Variants in FRA10AC1 observed in about 807,000 individuals in gnomAD.
The protein encoded by FRA10AC1 is protein FRA10AC1.
FRA10AC1 carries 43 observed loss-of-function variants against 56.5 expected under a neutral mutation model. The ratio of observed to expected loss-of-function variants is 0.76; its 90% confidence interval spans 0.60 to 0.98. The LOEUF (loss-of-function observed/expected upper bound fraction) is 0.98. Among genes scored for constraint, FRA10AC1 ranks in the 50% least tolerant of loss-of-function variants. The pLI, the probability that FRA10AC1 is intolerant of heterozygous loss-of-function variation, is 0.00. For synonymous variants in FRA10AC1, 112 were observed against 110.5 expected (o/e 1.01, Z -0.09); for missense variants, 346 against 351.8 (o/e 0.98, Z 0.13).
At position 93,668,117 on chromosome 10, in the gene FRA10AC1, T is replaced by C. The variant is rs1159178926; in HGVS notation, c.*1709A>G. The C allele has an allele frequency of 1.3e-5, 2 of 152,204 alleles. No individual in the cohort carries two copies. The highest frequency in any genetic ancestry group is 6.5e-5 in the Admixed American group (1 of 15,272). 9.4% of individuals were successfully genotyped at this position (152,204 alleles called of 1,614,324 possible). On this transcript the variant is annotated 3_prime_UTR_variant, in exon 14 of 14. Transcript: ENST00000359204. ...TGTTTAATAAAAGGAAAATCTCTGA[T>C]AATAACCATTTTAAAATGATACCAA...
chr10:93,673,211 T>C (rs1572773), intron 12 of FRA10AC1: 273,941 of 397,662 alleles, frequency 0.69, 95,716 homozygotes, highest in Middle Eastern at 0.73. Context: ...AAAAATCTGT[T>C]TTTGGGCAGT....
rs1321578874 is a variant in FRA10AC1 at position 93,693,480 on chromosome 10, G to GTA, written c.297-752_297-751insTA. 1.4e-3 allele frequency among the ~76,000 whole-genome samples: 28 copies of GTA among 19,760 alleles called. 2 individuals are homozygous for GTA. The highest frequency in any genetic ancestry group is 2.4e-3 in the African/African-American group (27 of 11,378). The allele number at this position is 19,760 out of a possible 152,430, so 13.0% of individuals were successfully genotyped here. On this transcript the variant is annotated intron_variant, in intron 5 of 13. Coordinates refer to ENST00000359204, the MANE Select transcript of FRA10AC1 (RefSeq NM_145246.5). ...AGTGGATAAAGAAAATGTGGTGTGTGTGTATATATATATATATATATATAT... is the reference window on the plus strand; with the variant it reads ...AGTGGATAAAGAAAATGTGGTGTGTGTATGTATATATATATATATATATATAT...
At chr10:93,693,526 TACACC>T (rs1190831630) in intron 5 of FRA10AC1, among the ~76,000 whole-genome samples, 294 of 13,396 alleles carry the variant, frequency 0.022, 16 homozygotes, top group African/African-American at 0.044. Context: ...TATATATATA[TACACC>T]ATATATATAT....
At position 93,669,109 on chromosome 10, in the gene FRA10AC1, A is replaced by G. The variant is rs1226783337; in HGVS notation, c.*717T>C. The stretch of plus-strand genomic sequence containing the variant: ...AAATTTGATTATAACAAACTCTCTT[A>G]AGTGGTAGAGGTTAAGAAGGAAGCA... On this transcript the variant is annotated 3_prime_UTR_variant, in exon 14 of 14. Coordinates refer to ENST00000359204, the MANE Select transcript of FRA10AC1 (RefSeq NM_145246.5). The G allele has an allele frequency of 6.6e-6, 1 of 152,096 alleles. No homozygotes were observed. The highest frequency in any genetic ancestry group is 1.5e-5 in the Non-Finnish European group (1 of 68,018). 9.4% of individuals were successfully genotyped at this position (152,096 alleles called of 1,614,324 possible).
chr10:93,677,355 T>C (rs752104922), intron 11 of FRA10AC1, among the ~76,000 whole-genome samples: 1 of 152,190 alleles, frequency 6.6e-6, no homozygotes, highest in Non-Finnish European at 1.5e-5. Flanking sequence ...ATTCCTCCAA[T>C]GTTCCTGGAT....
chr10:93,692,637 G>T lies in FRA10AC1; in HGVS notation c.380+9C>A, dbSNP rs748036832. On this transcript the variant is annotated intron_variant, in intron 6 of 13. Coordinates refer to ENST00000359204, the MANE Select transcript of FRA10AC1 (RefSeq NM_145246.5). Reference sequence around the variant, plus strand: ...CATTTGATGCATTACGCCTCTGATGGCTAATTACCAAGTCATGTCCATTTC... The same window carrying T: ...CATTTGATGCATTACGCCTCTGATGTCTAATTACCAAGTCATGTCCATTTC... 1.3e-6 allele frequency: 2 copies of T among 1,557,352 alleles called. No homozygotes were observed. The highest frequency in any genetic ancestry group is 1.8e-6 in the Non-Finnish European group (2 of 1,139,894).
intron 9 of FRA10AC1, among the ~76,000 whole-genome samples, chr10:93,684,927 T>C (rs981757667): frequency 2.0e-5 from 3 of 152,156 alleles, no homozygotes; most frequent in Non-Finnish European, 4.4e-5. Flanking sequence ...TAATGTGAGA[T>C]TACACTGCCT....
Position 93,685,243 on chromosome 10 carries a change from T to A in FRA10AC1, c.625+3A>T. 7.4e-7 allele frequency: 1 copy of A among 1,345,156 alleles called. No homozygotes were observed. Among genetic ancestry groups the A allele is most frequent in the Admixed American group, 1.7e-5 (1 of 57,268 alleles). The allele number at this position is 1,345,156 out of a possible 1,614,324, so 83.3% of individuals were successfully genotyped here. On this transcript the variant is annotated splice_donor_region_variant and intron_variant, in intron 9 of 13. Transcript: ENST00000359204. The stretch of plus-strand genomic sequence containing the variant: ...AATCATATACCCCCTAAAATCAACT[T>A]ACTTAATTTAACAAGTGCATTTCTC...
chr10:93,672,002 A>G (rs2058770396), intron 12 of FRA10AC1: 1 of 429,792 alleles, frequency 2.3e-6, no homozygotes, highest in African/African-American at 2.1e-5. Context: ...AAAAATTTAA[A>G]AATACTGCAA....
Position 93,685,330 on chromosome 10 carries a change from C to T in FRA10AC1, c.541G>A (p.Asp181Asn), listed in dbSNP as rs374981748. ...CAACTCTTTAAGCCTTCTTTTTTAT[C>T]ACAATATTTATTTCCACAGAAAAAT... The part of the protein sequence containing the change: ...GQFFCGNKYC[D>N]KKEGLKSWEV... Residue 181 changes from aspartate to asparagine, a missense_variant, in exon 9 of 14, where the codon GAT becomes AAT. Transcript: ENST00000359204. The T allele has an allele frequency of 1.9e-6, 3 of 1,557,072 alleles. No individual in the cohort carries two copies. In the African/African-American group the frequency reaches 4.1e-5, roughly 21 times the overall value.
At chr10:93,683,824 CAT>C (rs1441351976) in intron 10 of FRA10AC1, among the ~76,000 whole-genome samples, 1 of 152,152 alleles carries the variant, frequency 6.6e-6, no homozygotes, top group Non-Finnish European at 1.5e-5. Flanking sequence ...AAAATTCTAA[CAT>C]CCATCTACCA....
rs1320310422 is a variant in FRA10AC1, at chr10:93,702,519, A to ACCGCCGCCG, written c.-146_-145insCGGCGGCGG. 5 of 159,642 alleles carry ACCGCCGCCG rather than the reference A, an allele frequency of 3.1e-5. 1 individual carries two copies. Among genetic ancestry groups the ACCGCCGCCG allele is most frequent in the South Asian group, 6.1e-5 (1 of 16,314 alleles). 9.9% of individuals were successfully genotyped at this position (159,642 alleles called of 1,614,324 possible). A position where few individuals can be genotyped will look rare whatever the true frequency, so the allele number is the denominator to read the frequency against. ...CCTGCCGCACAGCCTCGCCACAACCACCACCGCCGCCGCCGCCGCCGCCGC... is the reference window on the plus strand; with the variant it reads ...CCTGCCGCACAGCCTCGCCACAACCACCGCCGCCGCCACCGCCGCCGCCGCCGCCGCCGC... On this transcript the variant is annotated 5_prime_UTR_variant, in exon 1 of 14. Transcript: ENST00000359204.
rs1285871006 is a variant in FRA10AC1 at position 93,698,135 on chromosome 10, C to T, written c.219+1G>A. On this transcript the variant is annotated splice_donor_variant, in intron 4 of 13. Coordinates refer to ENST00000359204, the MANE Select transcript of FRA10AC1 (RefSeq NM_145246.5). LOFTEE classifies it high-confidence loss of function. ...AAAATCTGGAAATAAAAAAAGGATA[C>T]AGCATCCATAGCTATGAGATGAAAC... is the stretch of plus-strand genomic sequence containing the variant. 1.3e-6 allele frequency: 2 copies of T among 1,522,632 alleles called. No homozygotes were observed. Among genetic ancestry groups the T allele is most frequent in the Admixed American group, 2.1e-5 (1 of 47,898 alleles). The allele number at this position is 1,522,632 out of a possible 1,614,324, so 94.3% of individuals were successfully genotyped here. A position where few individuals can be genotyped will look rare whatever the true frequency, so the allele number is the denominator to read the frequency against.
Position 93,698,363 on chromosome 10 carries a change from T to G in FRA10AC1, c.111A>C (p.Pro37=). The change falls in exon 3 of 14, where the codon CCA becomes CCC. Residue 37 remains proline (P), a synonymous_variant. Coordinates refer to ENST00000359204, the MANE Select transcript of FRA10AC1 (RefSeq NM_145246.5). ...TVEDDLLLQK[P]FQKEKHGKVA... ...CCTTTCCATGTTTTTCTTTCTGAAA[T>G]GGTTTTTGGAGCAGTAAGTCATCTT... 1.2e-6 allele frequency: 2 copies of G among 1,611,862 alleles called. No homozygotes were observed. Among genetic ancestry groups the G allele is most frequent in the Non-Finnish European group, 1.7e-6 (2 of 1,178,720 alleles).
intron 9 of FRA10AC1, 79 bp downstream of exon 9, chr10:93,685,167 T>C: frequency 1.4e-6 from 1 of 717,138 alleles, no homozygotes; most frequent in Non-Finnish European, 2.4e-6. Context: ...AAATTGCATT[T>C]GAATTTTAAA....
intron 13 of FRA10AC1, among the ~76,000 whole-genome samples, chr10:93,670,189 G>A (rs1024810704): frequency 1.3e-5 from 2 of 151,858 alleles, no homozygotes; most frequent in Non-Finnish European, 2.9e-5. Flanking sequence ...TAACTTCTCT[G>A]TTCATTCTCA....
chr10:93,673,288 G>C (rs1443186275), intron 12 of FRA10AC1: 3 of 455,994 alleles, frequency 6.6e-6, no homozygotes, highest in African/African-American at 6.0e-5. Context: ...TATCCATACA[G>C]TAATTTCCAT....
chr10:93,699,932 A>C (rs1419768248), intron 2 of FRA10AC1, 98 bp downstream of exon 2: 2 of 684,654 alleles, frequency 2.9e-6, no homozygotes, highest in South Asian at 3.5e-5. Flanking sequence ...TTGTCTTCAC[A>C]TGTAAACAGA....
chr10:93,672,132 G>A (rs1427679860), intron 12 of FRA10AC1: 1 of 420,764 alleles, frequency 2.4e-6, no homozygotes, highest in Non-Finnish European at 4.6e-6. Flanking sequence ...AATACAGAAT[G>A]TCCTTTAGTT....
Sources: allele counts gnomAD v4.1 joint callset (sites outside exome capture counted in the v4.1 genomes callset), GRCh38; gene constraint gnomAD v4.1.1; transcripts MANE v1.5; gene names NCBI Gene and HGNC (gene_info 2026-07-23, HGNC 2026-07-21).